The following LY86 variants were observed in gnomAD, a reference collection of about 807,000 sequenced individuals.
LY86 encodes the protein MD-1, RP105-associated.
Under a neutral mutation model 17.3 loss-of-function variants are expected in LY86, and 20 were observed. The ratio of observed to expected loss-of-function variants is 1.15; its 90% CI spans 0.81 to 1.68. The LOEUF (loss-of-function observed/expected upper bound fraction) is 1.68. LY86 is among the 40% of genes most tolerant of loss of function. The pLI is 0.00. For missense variants in LY86, 200 were observed against 191.9 expected, an observed-to-expected ratio of 1.04 and a Z score of -0.25; for synonymous variants, 74 against 70.6, an observed-to-expected ratio of 1.05 and a Z score of -0.24.
intron 1 of LY86, among the ~76,000 whole-genome samples, chr6:6,616,088 G>A (rs1761547460): frequency 6.6e-6 from 1 of 152,128 alleles, no homozygotes; most frequent in Non-Finnish European, 1.5e-5. Context: ...TGCTTTATAT[G>A]CATTATTTTT....
chr6:6,590,118 TAAAAAAAA>T (rs34637229), intron 1 of LY86, among the ~76,000 whole-genome samples: 2 of 80,586 alleles, frequency 2.5e-5, no homozygotes, highest in Admixed American at 1.5e-4. Flanking sequence ...AACTCTGTCT[TAAAAAAAA>T]AAAAAAAAAA....
intron 1 of LY86, among the ~76,000 whole-genome samples, chr6:6,612,484 G>A (rs35537820): frequency 0.077 from 11,700 of 151,986 alleles, 539 homozygotes; most frequent in East Asian, 0.17. Flanking sequence ...CAGACCCAAA[G>A]TGTAAACAAC....
intron 1 of LY86, among the ~76,000 whole-genome samples, chr6:6,600,685 G>GCTT: frequency 6.7e-6 from 1 of 150,146 alleles, no homozygotes; most frequent in South Asian, 2.1e-4. Flanking sequence ...GCCAGGGCCT[G>GCTT]CTTCTGGTCT....
chr6:6,637,770 C>G (rs531200658), intron 3 of LY86, among the ~76,000 whole-genome samples: 8 of 152,196 alleles, frequency 5.3e-5, no homozygotes, highest in African/African-American at 1.9e-4. Context: ...TCGCATTACT[C>G]TTTCCCAGGG....
chr6:6,612,348 A>C (rs1581240847), intron 1 of LY86, among the ~76,000 whole-genome samples: 2 of 152,168 alleles, frequency 1.3e-5, no homozygotes, highest in Admixed American at 6.5e-5. Context: ...TAAGCATTAC[A>C]CTTCTTAAGG....
Position 6,602,985 on chromosome 6 carries a change from T to C in LY86, c.136+14115T>C, listed in dbSNP as rs114826102. 5.6e-3 allele frequency among the ~76,000 whole-genome samples: 858 copies of C among 152,274 alleles called. 5 individuals carry two copies. Among genetic ancestry groups the C allele is most frequent in the South Asian group, 0.022 (106 of 4,812 alleles). On this transcript the variant is annotated intron_variant, in intron 1 of 4. Transcript: ENST00000230568. ...GTAACTCATAAACAACAGAAATTCA[T>C]TGCTCACAGTTCTAGAGGCCAGGGA...
intron 1 of LY86, among the ~76,000 whole-genome samples, chr6:6,604,029 C>T (rs1271918848): frequency 6.6e-6 from 1 of 152,086 alleles, no homozygotes; most frequent in Non-Finnish European, 1.5e-5. Context: ...AATGTATATA[C>T]TACCTTCATA....
chr6:6,594,475 G>C (rs2113075217), intron 1 of LY86, among the ~76,000 whole-genome samples: 1 of 152,266 alleles, frequency 6.6e-6, no homozygotes, highest in Admixed American at 6.5e-5. Flanking sequence ...TGGCAAGGTA[G>C]TGTGACAGTG....
intron 1 of LY86, among the ~76,000 whole-genome samples, chr6:6,607,803 G>A (rs1482419460): frequency 6.6e-6 from 1 of 152,062 alleles, no homozygotes; most frequent in Non-Finnish European, 1.5e-5. Flanking sequence ...GGGAGGTTGA[G>A]GCAGGAGAAT....
At chr6:6,600,718 C>T (rs1471817434) in intron 1 of LY86, among the ~76,000 whole-genome samples, 4 of 151,736 alleles carry the variant, frequency 2.6e-5, no homozygotes, top group African/African-American at 7.3e-5. Context: ...TAGAAAAGCT[C>T]GCTGCATACA....
At chr6:6,646,967 A>G (rs1762116034) in intron 3 of LY86, among the ~76,000 whole-genome samples, 1 of 145,884 alleles carries the variant, frequency 6.9e-6, no homozygotes, top group Non-Finnish European at 1.5e-5. Context: ...GTATTTCTCA[A>G]GTAGATTTCT....
At chr6:6,610,547 G>A (rs895823356) in intron 1 of LY86, among the ~76,000 whole-genome samples, 2 of 152,126 alleles carry the variant, frequency 1.3e-5, no homozygotes, top group Admixed American at 1.3e-4. Context: ...AAGCTTAGGG[G>A]GGGGCAAGGT....
At chr6:6,606,122 T>C (rs1258632274) in intron 1 of LY86, among the ~76,000 whole-genome samples, 2 of 152,186 alleles carry the variant, frequency 1.3e-5, no homozygotes, top group African/African-American at 4.8e-5. Context: ...TGGTCCATTT[T>C]ACAGAGAAGG....
At chr6:6,641,948 G>A (rs1187224020) in intron 3 of LY86, among the ~76,000 whole-genome samples, 2 of 152,242 alleles carry the variant, frequency 1.3e-5, no homozygotes, top group African/African-American at 2.4e-5. Context: ...ACCGCAGCGT[G>A]TGCCTCAGAA....
intron 1 of LY86, among the ~76,000 whole-genome samples, chr6:6,620,605 T>G (rs1373416445): frequency 1.3e-5 from 2 of 152,210 alleles, no homozygotes; most frequent in African/African-American, 2.4e-5. Flanking sequence ...TCTGTGTCAT[T>G]GGATTTTGTC....
intron 1 of LY86, among the ~76,000 whole-genome samples, chr6:6,619,887 G>C (rs560455170): frequency 4.0e-4 from 61 of 152,188 alleles, no homozygotes; most frequent in African/African-American, 1.4e-3. Context: ...CAGGAAGAGA[G>C]AAGAGGAGAG....
At chr6:6,612,071 T>C (rs756312324) in intron 1 of LY86, among the ~76,000 whole-genome samples, 1 of 152,216 alleles carries the variant, frequency 6.6e-6, no homozygotes, top group African/African-American at 2.4e-5. Flanking sequence ...AAAGCCAATG[T>C]ATTAGCAAGA....
rs1581247643 is a variant in LY86 at position 6,626,387 on chromosome 6, G to A, written c.318G>A (p.Leu106=). 6 of 1,613,890 alleles carry A rather than the reference G, an allele frequency of 3.7e-6. No individual in the cohort carries two copies. The highest frequency in any genetic ancestry group is 1.6e-4 in the Middle Eastern group (1 of 6,062). Residue 106 remains leucine, a synonymous_variant, in exon 3 of 5, where the codon CTG becomes CTA. Transcript: ENST00000230568. ...CCTATCCCATCTGTGAGGCGGCTCT[G>A]CCCAAGTTTTCTTTCTGTGGAAGAA... ...NFSYPICEAA[L]PKFSFCGRRK...
intron 3 of LY86, among the ~76,000 whole-genome samples, chr6:6,627,733 C>G (rs936240392): frequency 5.9e-5 from 9 of 152,138 alleles, no homozygotes; most frequent in Admixed American, 5.9e-4. Flanking sequence ...GAGCTTTAGA[C>G]CCAATAAGTC....
Sources: allele counts gnomAD v4.1 joint callset (sites outside exome capture counted in the v4.1 genomes callset), GRCh38; gene constraint gnomAD v4.1.1; transcripts MANE v1.5; gene names NCBI Gene and HGNC (gene_info 2026-07-23, HGNC 2026-07-21).